Variants in CFAP44 observed in about 807,000 individuals in gnomAD.
The protein encoded by CFAP44 is cilia- and flagella-associated protein 44.
A neutral mutation model predicts 216.2 loss-of-function variants in CFAP44; 134 were observed. The ratio of observed to expected loss-of-function variants is 0.62; its 90% CI spans 0.54 to 0.72. CFAP44 has a LOEUF of 0.72. Ranked by LOEUF, CFAP44 falls within the 30% of genes least tolerant of loss-of-function variation. The probability of loss-of-function intolerance (pLI) is 0.00; values close to 1 mark genes in which losing one functional copy is unlikely to be tolerated. For missense variants in CFAP44, 2,035 were observed against 2,182.1 expected (o/e 0.93, Z 1.34); for synonymous variants, 700 against 727.6 (o/e 0.96, Z 0.61).
At chr3:113,337,989 G>A (rs992034691) in intron 24 of CFAP44, among the ~76,000 whole-genome samples, 1 of 152,002 alleles carries the variant, frequency 6.6e-6, no homozygotes, top group African/African-American at 2.4e-5. Context: ...GAGGCCAAGT[G>A]CAGTGGTTCA....
intron 28 of CFAP44, among the ~76,000 whole-genome samples, chr3:113,314,059 C>T (rs935877068): frequency 6.6e-6 from 1 of 152,152 alleles, no homozygotes; most frequent in Admixed American, 6.5e-5. Flanking sequence ...CCCAGAGCCT[C>T]AGGGACCTTT....
intron 21 of CFAP44, chr3:113,360,221 A>G (rs1038194802): frequency 1.3e-5 from 2 of 156,294 alleles, no homozygotes; most frequent in African/African-American, 4.8e-5. Flanking sequence ...CCAGATAAAA[A>G]GAAGCTTAAA....
At chr3:113,327,546 G>A in intron 27 of CFAP44, 70 bp downstream of exon 27, 2 of 1,369,832 alleles carry the variant, frequency 1.5e-6, no homozygotes, top group Non-Finnish European at 2.0e-6. Flanking sequence ...TTTGAGTTAA[G>A]AAGAAAAAGA....
chr3:113,406,892 C>T (rs1233760476), intron 8 of CFAP44, 35 bp downstream of exon 8: 8 of 1,520,074 alleles, frequency 5.3e-6, no homozygotes, highest in Non-Finnish European at 7.3e-6. Flanking sequence ...CTTGAAAACA[C>T]AATTTTAATA....
At chr3:113,427,561 T>C (rs1187214621) in intron 2 of CFAP44, 4 of 435,286 alleles carry the variant, frequency 9.2e-6, no homozygotes, top group Non-Finnish European at 1.6e-5. Context: ...TTTCAGTCTA[T>C]TTCCTATCAT....
At chr3:113,327,505 G>A (rs533829808) in intron 27 of CFAP44, 111 bp downstream of exon 27, 196 of 950,560 alleles carry the variant, frequency 2.1e-4, no homozygotes, top group Non-Finnish European at 2.7e-4. Context: ...AAGAAGACAA[G>A]AAAGAGATAA....
intron 19 of CFAP44, 62 bp from the exon 20 acceptor site, chr3:113,363,594 C>T: frequency 7.2e-7 from 1 of 1,390,834 alleles, no homozygotes; most frequent in Non-Finnish European, 9.7e-7. Flanking sequence ...CTTAAAATAT[C>T]TAGGAAGAAG....
intron 17 of CFAP44, among the ~76,000 whole-genome samples, chr3:113,374,365 T>TTATTTATTTATG (rs1933268430): frequency 1.0e-5 from 1 of 96,708 alleles, no homozygotes; most frequent in Non-Finnish European, 1.9e-5. Context: ...TCAATTTCTT[T>TTATTTATTTATG]TATTTATTTA....
In CFAP44 at chr3:113,344,664, C is replaced by T; in HGVS notation, c.3114G>A (p.Leu1038=). 1.3e-6 allele frequency: 2 copies of T among 1,536,196 alleles called. No homozygotes were observed. The highest frequency in any genetic ancestry group is 1.7e-6 in the Non-Finnish European group (2 of 1,146,614). ...ESDTIVVHAI[L]SDHKISSYRL... ...TGTAAGAGGATATCTTGTGGTCACT[C>T]AGTATGGCATGAACCACAATAGTAT... The change falls in exon 23 of 35, where the codon CTG becomes CTA. Residue 1038 remains leucine, a synonymous_variant. Coordinates refer to ENST00000393845, the MANE Select transcript of CFAP44 (RefSeq NM_001164496.2).
intron 25 of CFAP44, among the ~76,000 whole-genome samples, chr3:113,331,010 C>A (rs1950237009): frequency 1.3e-5 from 2 of 152,262 alleles, no homozygotes; most frequent in African/African-American, 4.8e-5. Flanking sequence ...TGGATACTCT[C>A]TCCAGGGAGG....
At chr3:113,439,195 T>TA (rs1295168077) in intron 1 of CFAP44, among the ~76,000 whole-genome samples, 2 of 152,208 alleles carry the variant, frequency 1.3e-5, no homozygotes, top group Non-Finnish European at 2.9e-5. Context: ...ACTCATTAGA[T>TA]AGACTGTGCA....
At chr3:113,392,618 C>T (rs1933873827) in intron 15 of CFAP44, among the ~76,000 whole-genome samples, 1 of 151,976 alleles carries the variant, frequency 6.6e-6, no homozygotes, top group Non-Finnish European at 1.5e-5. Context: ...TCCCATTTAC[C>T]CTCATATGAT....
At chr3:113,329,290 G>C (rs1950220237) in intron 26 of CFAP44, among the ~76,000 whole-genome samples, 1 of 152,194 alleles carries the variant, frequency 6.6e-6, no homozygotes, top group Admixed American at 6.5e-5. Flanking sequence ...GTTTGGAACT[G>C]AGCCATGCTT....
At chr3:113,423,092 A>G (rs1449666247) in intron 4 of CFAP44, among the ~76,000 whole-genome samples, 2 of 146,216 alleles carry the variant, frequency 1.4e-5, no homozygotes, top group African/African-American at 2.5e-5. Context: ...GCATAACTGG[A>G]ATCTGATCCT....
chr3:113,287,188 C>A lies in CFAP44; in HGVS notation c.*4369G>T. 2.6e-6 allele frequency: 1 copy of A among 390,554 alleles called. No individual in the cohort carries two copies. The allele number at this position is 390,554 out of a possible 1,614,324, so 24.2% of individuals were successfully genotyped here. A position where few individuals can be genotyped will look rare whatever the true frequency, so the allele number is the denominator to read the frequency against. Reference sequence around the variant, plus strand: ...TGCAGGAGGCCCACAGATAAGCTGGCAAGAGGAAGGATCCCAGGCACATGG... The same window carrying A: ...TGCAGGAGGCCCACAGATAAGCTGGAAAGAGGAAGGATCCCAGGCACATGG... On this transcript the variant is annotated 3_prime_UTR_variant, in exon 35 of 35. Coordinates refer to ENST00000393845, the MANE Select transcript of CFAP44 (RefSeq NM_001164496.2).
intron 31 of CFAP44, among the ~76,000 whole-genome samples, chr3:113,304,682 C>T (rs940108770): frequency 2.0e-5 from 3 of 152,182 alleles, no homozygotes; most frequent in Non-Finnish European, 4.4e-5. Context: ...GTCATTTTAG[C>T]ATGATTAGTC....
intron 31 of CFAP44, among the ~76,000 whole-genome samples, chr3:113,304,574 G>A (rs980082121): frequency 6.6e-6 from 1 of 152,118 alleles, no homozygotes; most frequent in Admixed American, 6.5e-5. Context: ...TTTAATATAA[G>A]TTGCAATTCA....
chr3:113,340,757 C>T (rs1315168709), intron 24 of CFAP44, among the ~76,000 whole-genome samples: 1 of 152,344 alleles, frequency 6.6e-6, no homozygotes, highest in African/African-American at 2.4e-5. Flanking sequence ...TTAACCAGCT[C>T]AATTAGACCC....
intron 28 of CFAP44, among the ~76,000 whole-genome samples, chr3:113,320,460 ATATATCATAT>A (rs1242927891): frequency 6.8e-5 from 7 of 102,580 alleles, no homozygotes; most frequent in East Asian, 4.8e-4. Flanking sequence ...TATTACATCT[ATATATCATAT>A]ATGATATATA....
Sources: gnomAD v4.1 joint callset for allele counts (sites outside exome capture counted in the v4.1 genomes callset) on GRCh38, gnomAD v4.1.1 for gene constraint, MANE v1.5 for transcripts, NCBI Gene and HGNC (gene_info 2026-07-23, HGNC 2026-07-21) for gene names.